Variants in PARD3B observed in about 807,000 individuals in gnomAD.
PARD3B encodes par-3 family cell polarity regulator beta.
A neutral mutation model predicts 130.2 loss-of-function variants in PARD3B; 103 were observed. The observed-to-expected ratio is 0.79, with a 90% CI of 0.67 to 0.93. The LOEUF (loss-of-function observed/expected upper bound fraction) is 0.93. PARD3B is among the 40% of genes least tolerant of loss of function. PARD3B has a pLI of 0.00. For synonymous variants in PARD3B, 583 were observed against 553.2 expected (o/e 1.05, Z -0.76); for missense variants, 1,609 against 1,499.2 (o/e 1.07, Z -1.21).
chr2:205,054,029 G>A (rs1699420114), intron 4 of PARD3B, among the ~76,000 whole-genome samples: 1 of 152,008 alleles, frequency 6.6e-6, no homozygotes, highest in Admixed American at 6.6e-5. Flanking sequence ...ATATGGCTTT[G>A]TTTTTAAGAG....
rs78460865 is a variant in PARD3B at position 204,884,356 on chromosome 2, G to A, written c.223-80796G>A. Among the ~76,000 whole-genome samples the A allele has an allele frequency of 2.4e-3, 361 of 152,268 alleles. 1 individual carries two copies. Among genetic ancestry groups the A allele is most frequent in the African/African-American group, 8.2e-3 (342 of 41,550 alleles). On this transcript the variant is annotated intron_variant, in intron 2 of 22. Transcript: ENST00000406610. ...TAGAATAGTGTGTTTATAATCAATA[G>A]CATGTTTTCTTTTTAAAATTTCCTA...
intron 21 of PARD3B, among the ~76,000 whole-genome samples, chr2:205,541,347 GTTT>G (rs34760169): frequency 0.46 from 55,920 of 122,410 alleles, 11,485 homozygotes; most frequent in Middle Eastern, 0.66. Flanking sequence ...CAGAAACTTT[GTTT>G]TTTTTTTTTT....
In PARD3B at chr2:204,575,414, AATATG is replaced by A. The variant is rs770109214; in HGVS notation, c.120+29301_120+29305del. On this transcript the variant is annotated intron_variant, in intron 1 of 22. Transcript: ENST00000406610. Reference sequence around the variant, plus strand: ...TAAGAATTATTTAAATAGTTCAGAAAATATGATATGTAGGCTTCTTTTAATTCATA... The same window carrying A: ...TAAGAATTATTTAAATAGTTCAGAAAATATGTAGGCTTCTTTTAATTCATA... 1.4e-4 allele frequency among the ~76,000 whole-genome samples: 21 copies of A among 152,352 alleles called. No homozygotes were observed. In the East Asian group the frequency reaches 1.5e-3, roughly 11 times the overall value.
At chr2:204,557,284 C>G (rs1490894352) in intron 1 of PARD3B, among the ~76,000 whole-genome samples, 1 of 152,180 alleles carries the variant, frequency 6.6e-6, no homozygotes, top group Admixed American at 6.5e-5. Context: ...CCACTCTATT[C>G]TCTGTGAATC....
In PARD3B at chr2:205,302,009, T is replaced by A; in HGVS notation, c.2630+308T>A. 4.7e-6 allele frequency: 3 copies of A among 641,734 alleles called. No individual in the cohort carries two copies. In the Admixed American group the frequency reaches 7.0e-5, roughly 15 times the overall value. The allele number at this position is 641,734 out of a possible 1,614,324, so 39.8% of individuals were successfully genotyped here. ...GGGAGGATTGCTTGAGCCCAAGAGT[T>A]CAAGACCAGCCTGGGCAAGGTAGGG... On this transcript the variant is annotated intron_variant, in intron 18 of 22. Transcript: ENST00000406610.
chr2:204,705,899 T>C (rs1226588915), intron 2 of PARD3B, among the ~76,000 whole-genome samples: 2 of 152,170 alleles, frequency 1.3e-5, no homozygotes, highest in African/African-American at 4.8e-5. Flanking sequence ...CATCTGCAAC[T>C]GATACTATGC....
intron 4 of PARD3B, among the ~76,000 whole-genome samples, chr2:205,060,294 C>T (rs1391356578): frequency 1.3e-5 from 2 of 152,110 alleles, no homozygotes; most frequent in Non-Finnish European, 2.9e-5. Context: ...ATGCCAAAAT[C>T]TATATTGTAC....
intron 16 of PARD3B, among the ~76,000 whole-genome samples, chr2:205,282,290 C>T (rs2041218632): frequency 2.0e-5 from 3 of 151,842 alleles, no homozygotes; most frequent in Non-Finnish European, 4.4e-5. Context: ...TTTCATCTTC[C>T]TGGTCTCTTT....
In PARD3B at chr2:205,499,961, G is replaced by C; in HGVS notation, c.3110G>C (p.Arg1037Pro). The change falls in exon 21 of 23, where the codon CGG becomes CCG. Residue 1037 changes from arginine to proline, a missense_variant. Arg to Pro is a moderately radical substitution (Grantham distance 103). Transcript: ENST00000406610. ...TTGCGGAAAGAGTATTATCAGGCTC[G>C]GAGGGAAGGTTTCCCTTTATATGAA... ...QKLRKEYYQA[R>P]REGFPLYEDD... is the part of the protein sequence containing the mutation. 6.2e-7 allele frequency: 1 copy of C among 1,613,802 alleles called. No individual in the cohort carries two copies. The highest frequency in any genetic ancestry group is 8.5e-7 in the Non-Finnish European group (1 of 1,179,756).
In PARD3B at chr2:205,333,698, C is replaced by T. The variant is rs556995701; in HGVS notation, c.2630+31997C>T. 2.6e-5 allele frequency among the ~76,000 whole-genome samples: 4 copies of T among 152,232 alleles called. No homozygotes were observed. In the South Asian group the frequency reaches 8.3e-4, roughly 32 times the overall value. ...AGTCTTAGAATATTTTCCATGTACC[C>T]TGAAGACGTGGAATGAGAAGAAGAA... On this transcript the variant is annotated intron_variant, in intron 18 of 22. Transcript: ENST00000406610.
chr2:205,186,300 A>T (rs543401325), intron 14 of PARD3B, among the ~76,000 whole-genome samples: 11 of 152,286 alleles, frequency 7.2e-5, no homozygotes, highest in African/African-American at 2.6e-4. Context: ...TTAAAGCAAC[A>T]CCATATATAA....
At position 205,434,732 on chromosome 2, in the gene PARD3B, A is replaced by G. The variant is rs1376301225; in HGVS notation, c.2742-5638A>G. On this transcript the variant is annotated intron_variant, in intron 19 of 22. Coordinates refer to ENST00000406610, the MANE Select transcript of PARD3B (RefSeq NM_001302769.2). ...ACCAAATAAAAGTTCAGTGAACAAT[A>G]ATTTGAAGAAAATTGTCATAACTGA... is the stretch of plus-strand genomic sequence containing the variant. 2.0e-5 allele frequency among the ~76,000 whole-genome samples: 3 copies of G among 152,322 alleles called. No homozygotes were observed. The East Asian group carries it at 5.8e-4, about 29-fold the overall frequency.
At position 205,176,650 on chromosome 2, in the gene PARD3B, A is replaced by AAAAG; in HGVS notation, c.1924+76_1924+77insGAAA. On this transcript the variant is annotated intron_variant, in intron 13 of 22. Transcript: ENST00000406610. The surrounding 1 kb of genome is among the most constrained non-coding windows in gnomAD (Gnocchi z 5.3). ...AAAAGTGTCTTTTTATCTAAAAAAA[A>AAAAG]AAAAAAAGAGTAAAGGGGAGTTAAT... 1.4e-6 allele frequency: 2 copies of AAAAG among 1,419,416 alleles called. No individual in the cohort carries two copies. The highest frequency in any genetic ancestry group is 1.9e-6 in the Non-Finnish European group (2 of 1,061,890). 87.9% of individuals were successfully genotyped at this position (1,419,416 alleles called of 1,614,324 possible). A position where few individuals can be genotyped will look rare whatever the true frequency, so the allele number is the denominator to read the frequency against.
chr2:204,681,286 T>C (rs969130145), intron 1 of PARD3B, among the ~76,000 whole-genome samples: 8 of 152,154 alleles, frequency 5.3e-5, no homozygotes, highest in Admixed American at 5.2e-4. Context: ...GATCTGGAAG[T>C]AAATATATGT....
intron 22 of PARD3B, among the ~76,000 whole-genome samples, chr2:205,580,031 G>A (rs1382609456): frequency 6.6e-6 from 1 of 152,114 alleles, no homozygotes; most frequent in Non-Finnish European, 1.5e-5. Flanking sequence ...ACTTAAAGAT[G>A]ATACTTGCAT....
chr2:205,388,172 G>A (rs576421372), intron 18 of PARD3B, among the ~76,000 whole-genome samples: 8 of 152,106 alleles, frequency 5.3e-5, no homozygotes, highest in Non-Finnish European at 1.0e-4. Flanking sequence ...TGCTTCCTAG[G>A]ATTGTGCATT....
rs375324995 is a variant in PARD3B, at chr2:205,237,829, AT to A, written c.2141-7947del. 5.0e-3 allele frequency among the ~76,000 whole-genome samples: 758 copies of A among 152,240 alleles called. 4 individuals are homozygous for A. The highest frequency in any genetic ancestry group is 0.017 in the African/African-American group (710 of 41,538). On this transcript the variant is annotated intron_variant, in intron 15 of 22. Transcript: ENST00000406610. Reference sequence around the variant, plus strand: ...AGTTCATTACTCAAAATACAAGTGAATTATATTTATTCCAAACAGTTCTGTT... The same window carrying A: ...AGTTCATTACTCAAAATACAAGTGAATATATTTATTCCAAACAGTTCTGTT...
chr2:204,740,828 T>C (rs921438813), intron 2 of PARD3B, among the ~76,000 whole-genome samples: 2 of 152,198 alleles, frequency 1.3e-5, no homozygotes, highest in Admixed American at 1.3e-4. Flanking sequence ...AAAAATCTTA[T>C]ATCACATTTG....
At chr2:205,601,969 T>G (rs913506011) in intron 22 of PARD3B, among the ~76,000 whole-genome samples, 3 of 152,230 alleles carry the variant, frequency 2.0e-5, no homozygotes, top group Admixed American at 6.5e-5. Context: ...TCAAGGGGAA[T>G]GCTTCCAGCT....
Sources: allele counts gnomAD v4.1 joint callset (sites outside exome capture counted in the v4.1 genomes callset), GRCh38; gene constraint gnomAD v4.1.1; non-coding constraint Gnocchi (gnomAD v3.1); transcripts MANE v1.5; gene names NCBI Gene and HGNC (gene_info 2026-07-23, HGNC 2026-07-21).